The following SENP8 variants were observed in gnomAD, a reference collection of about 807,000 sequenced individuals.
The protein encoded by SENP8 is sentrin-specific protease 8.
Under a neutral mutation model 14.4 loss-of-function variants are expected in SENP8, and 10 were observed. The ratio of observed to expected loss-of-function variants is 0.69; its 90% CI spans 0.43 to 1.18. The LOEUF (loss-of-function observed/expected upper bound fraction) is 1.18, where lower values mean the gene tolerates loss of function less well. Ranked by LOEUF, SENP8 falls within the 50% of genes most tolerant of loss-of-function variation. SENP8 has a pLI of 0.00. For missense variants in SENP8, 202 were observed against 249.4 expected, an observed-to-expected ratio of 0.81 and a Z score of 1.28; for synonymous variants, 94 against 95.5, an observed-to-expected ratio of 0.98 and a Z score of 0.09.
intron 1 of SENP8, chr15:72,139,320 G>T: frequency 3.4e-6 from 1 of 297,242 alleles, no homozygotes; most frequent in South Asian, 1.2e-4. Context: ...AGTGGAAATG[G>T]ATCGTCATAA....
At chr15:72,115,877 G>C (rs1347122414), upstream of SENP8, among the ~76,000 whole-genome samples, 1 of 151,982 alleles carries the variant, frequency 6.6e-6, no homozygotes, top group Non-Finnish European at 1.5e-5. Context: ...TAAAAGAAAA[G>C]CATGTAACAT....
chr15:72,133,096 G>A (rs1054295897), intron 1 of SENP8, among the ~76,000 whole-genome samples: 3 of 152,268 alleles, frequency 2.0e-5, no homozygotes, highest in Non-Finnish European at 2.9e-5. Context: ...GCTTGAACCC[G>A]GGAGGCAGAG....
Position 72,139,642 on chromosome 15 carries a change from A to G in SENP8, c.19A>G (p.Ser7Gly). ...GTACAAGATGGACCCCGTAGTCTTG[A>G]GTTACATGGACAGTCTACTGCGGCA... MDPVVL[S>G]YMDSLLRQSD... Residue 7 changes from serine (S) to glycine (G), a missense_variant, in exon 2 of 2, where the codon AGT becomes GGT. Coordinates refer to ENST00000340912, the MANE Select transcript of SENP8 (RefSeq NM_145204.4). The G allele has an allele frequency of 6.2e-7, 1 of 1,613,950 alleles. No homozygotes were observed. The highest frequency in any genetic ancestry group is 8.5e-7 in the Non-Finnish European group (1 of 1,179,856).
chr15:72,115,384 A>G (rs939164091), upstream of SENP8, among the ~76,000 whole-genome samples: 1 of 151,894 alleles, frequency 6.6e-6, no homozygotes, highest in Non-Finnish European at 1.5e-5. Context: ...TCACAAATTA[A>G]CCCCTCTATC....
chr15:72,119,873 C>T (rs535870791), intron 1 of SENP8, among the ~76,000 whole-genome samples: 1 of 152,346 alleles, frequency 6.6e-6, no homozygotes, highest in Admixed American at 6.5e-5. Context: ...CCACTCTTGC[C>T]TTTCTCTTCA....
chr15:72,138,964 CAAAA>C (rs71133960), intron 1 of SENP8, among the ~76,000 whole-genome samples: 2 of 42,868 alleles, frequency 4.7e-5, no homozygotes, highest in Non-Finnish European at 1.0e-4. Context: ...GACTCCATCT[CAAAA>C]AAAAAAAAAA....
At chr15:72,117,760 C>T (rs1263785246), upstream of SENP8, 3 of 397,938 alleles carry the variant, frequency 7.5e-6, no homozygotes, top group Non-Finnish European at 1.3e-5. Context: ...CAGGGTAGGA[C>T]CGGAGATGGC....
chr15:72,132,693 T>TC (rs1171820526), intron 1 of SENP8, among the ~76,000 whole-genome samples: 1 of 145,506 alleles, frequency 6.9e-6, no homozygotes, highest in Non-Finnish European at 1.5e-5. Flanking sequence ...TCTCACTCTA[T>TC]CCCCCAGGCT....
chr15:72,118,062 C>T (rs921145558), upstream of SENP8: 4 of 395,604 alleles, frequency 1.0e-5, no homozygotes, highest in Non-Finnish European at 1.8e-5. Context: ...CGCCGCGTCC[C>T]TTATCCGCTT....
At position 72,142,769 on chromosome 15, in the gene SENP8, CCA is replaced by C. The variant is rs753065165; in HGVS notation, c.*2508_*2509del. Reference sequence around the variant, plus strand: ...TGAAGTTCACAAGCGCTGGTCCTAACCAGATCAGATAAAGTGGATTATGTTTC... The same window carrying C: ...TGAAGTTCACAAGCGCTGGTCCTAACGATCAGATAAAGTGGATTATGTTTC... On this transcript the variant is annotated 3_prime_UTR_variant, in exon 2 of 2. Transcript: ENST00000340912. The C allele has an allele frequency of 1.3e-5, 2 of 152,200 alleles. No homozygotes were observed. The highest frequency in any genetic ancestry group is 2.9e-5 in the Non-Finnish European group (2 of 68,046). 9.4% of individuals were successfully genotyped at this position (152,200 alleles called of 1,614,324 possible). A position where few individuals can be genotyped will look rare whatever the true frequency, so the allele number is the denominator to read the frequency against.
chr15:72,125,574 T>C (rs181583191), intron 1 of SENP8, among the ~76,000 whole-genome samples: 1 of 152,108 alleles, frequency 6.6e-6, no homozygotes, highest in Non-Finnish European at 1.5e-5. Flanking sequence ...ATGCTACTTA[T>C]TAAAAAATCC....
chr15:72,126,188 G>A (rs2081217255), intron 1 of SENP8, among the ~76,000 whole-genome samples: 1 of 151,980 alleles, frequency 6.6e-6, no homozygotes, highest in African/African-American at 2.4e-5. Flanking sequence ...GAGCTGTCCA[G>A]TATACTAGCA....
intron 1 of SENP8, among the ~76,000 whole-genome samples, chr15:72,137,043 T>A (rs909248200): frequency 6.6e-6 from 1 of 152,216 alleles, no homozygotes; most frequent in Non-Finnish European, 1.5e-5. Context: ...ATAATGTGAA[T>A]GGATATTTGT....
chr15:72,127,310 T>C (rs2081230456), intron 1 of SENP8, among the ~76,000 whole-genome samples: 1 of 152,116 alleles, frequency 6.6e-6, no homozygotes, highest in Non-Finnish European at 1.5e-5. Flanking sequence ...ATTCAAGGAA[T>C]TGAAATTAGA....
At chr15:72,137,983 G>A (rs923462778) in intron 1 of SENP8, among the ~76,000 whole-genome samples, 2 of 151,372 alleles carry the variant, frequency 1.3e-5, no homozygotes, top group Non-Finnish European at 2.9e-5. Context: ...AAAAAAAAAA[G>A]AAAAAGAAAA....
intron 1 of SENP8, among the ~76,000 whole-genome samples, chr15:72,130,847 G>A (rs1243409551): frequency 6.6e-6 from 1 of 152,198 alleles, no homozygotes; most frequent in Non-Finnish European, 1.5e-5. Context: ...ACAGGTGTGA[G>A]CCACTGCGCC....
rs2081105119 is a variant in SENP8, at chr15:72,118,790, G to A, written c.-48+326G>A. ...ATAGGAGACCGTGAGAGAATCCGCA[G>A]TGGTAGTACAATAAAGTGACAATAG... On this transcript the variant is annotated intron_variant, in intron 1 of 1. Transcript: ENST00000340912. Among the ~76,000 whole-genome samples, 5 of 152,316 alleles carry A rather than the reference G, an allele frequency of 3.3e-5. No individual in the cohort carries two copies. The South Asian group carries it at 8.3e-4, about 25-fold the overall frequency.
At chr15:72,137,246 G>A (rs1162555354) in intron 1 of SENP8, among the ~76,000 whole-genome samples, 1 of 105,422 alleles carries the variant, frequency 9.5e-6, no homozygotes, top group Non-Finnish European at 2.1e-5. Flanking sequence ...TTTACAGATG[G>A]CATACAAAAA....
chr15:72,124,998 A>G (rs571787225), intron 1 of SENP8, among the ~76,000 whole-genome samples: 4 of 152,214 alleles, frequency 2.6e-5, no homozygotes, highest in African/African-American at 9.6e-5. Context: ...ATGGCTGAAA[A>G]CTATTCCATC....
Sources: gnomAD v4.1 joint callset for allele counts (sites outside exome capture counted in the v4.1 genomes callset) on GRCh38, gnomAD v4.1.1 for gene constraint, MANE v1.5 for transcripts, NCBI Gene and HGNC (gene_info 2026-07-23, HGNC 2026-07-21) for gene names.